GALNT17: variants seen among roughly 807,000 people sequenced by gnomAD.
GALNT17 encodes UDP-GalNAc:polypeptide N-acetylgalactosaminyltransferase-like 3.
In GALNT17, 29 loss-of-function variants were observed where a neutral mutation model predicts 63.7. The ratio of observed to expected loss-of-function variants is 0.46; its 90% confidence interval spans 0.34 to 0.62. The LOEUF is 0.62. GALNT17 is among the 20% of genes least tolerant of loss of function. GALNT17 has a pLI of 0.01. For synonymous variants in GALNT17, 305 were observed against 318.3 expected (o/e 0.96, Z 0.45); for missense variants, 603 against 799.6 (o/e 0.75, Z 2.97).
At chr7:71,247,947 A>G (rs1353913914) in intron 1 of GALNT17, among the ~76,000 whole-genome samples, 2 of 152,182 alleles carry the variant, frequency 1.3e-5, no homozygotes, top group Admixed American at 6.5e-5. Context: ...GGATTGTCAT[A>G]AAGTTTTCAT....
intron 5 of GALNT17, among the ~76,000 whole-genome samples, chr7:71,523,532 A>G (rs1383427657): frequency 6.6e-6 from 1 of 152,114 alleles, no homozygotes; most frequent in Non-Finnish European, 1.5e-5. Flanking sequence ...AGGCAGGCAG[A>G]TAACTTGAGG....
At chr7:71,274,173 A>G (rs1205460010) in intron 1 of GALNT17, among the ~76,000 whole-genome samples, 1 of 152,204 alleles carries the variant, frequency 6.6e-6, no homozygotes, top group Non-Finnish European at 1.5e-5. Context: ...AGTTAGCAGC[A>G]TTTGGCAGCT....
At chr7:71,166,101 A>C (rs1015999840) in intron 1 of GALNT17, among the ~76,000 whole-genome samples, 6 of 152,190 alleles carry the variant, frequency 3.9e-5, no homozygotes, top group African/African-American at 9.6e-5. Context: ...TTGTGACTTC[A>C]TCGTTCAAAT....
chr7:71,522,101 G>T (rs1788540018), intron 5 of GALNT17, among the ~76,000 whole-genome samples: 2 of 151,984 alleles, frequency 1.3e-5, no homozygotes, highest in South Asian at 4.2e-4. Context: ...TGCTCTTTGT[G>T]CAATACTGTG....
At chr7:71,152,833 A>G (rs1182059276) in intron 1 of GALNT17, among the ~76,000 whole-genome samples, 1 of 151,836 alleles carries the variant, frequency 6.6e-6, no homozygotes, top group Non-Finnish European at 1.5e-5. Context: ...GGGTCTCACC[A>G]TGTTGGTCAG....
chr7:71,295,786 G>T (rs1338144776), intron 1 of GALNT17, among the ~76,000 whole-genome samples: 2 of 151,916 alleles, frequency 1.3e-5, no homozygotes, highest in Non-Finnish European at 2.9e-5. Context: ...TTAGAGATGG[G>T]GTCTCATTAT....
chr7:71,640,717 T>G (rs1441409032), intron 6 of GALNT17, among the ~76,000 whole-genome samples: 1 of 152,130 alleles, frequency 6.6e-6, no homozygotes, highest in Non-Finnish European at 1.5e-5. Flanking sequence ...TCCTGTGCAT[T>G]TTGTTTAATT....
intron 1 of GALNT17, among the ~76,000 whole-genome samples, chr7:71,241,774 A>G (rs1363247037): frequency 1.3e-5 from 2 of 152,140 alleles, no homozygotes; most frequent in African/African-American, 4.8e-5. Context: ...CTGTAGTCCC[A>G]GCAGCTTGGG....
intron 6 of GALNT17, among the ~76,000 whole-genome samples, chr7:71,621,647 T>G (rs1790297452): frequency 6.6e-6 from 1 of 152,126 alleles, no homozygotes; most frequent in Non-Finnish European, 1.5e-5. Flanking sequence ...ACAACTGTGA[T>G]AAGATCATAA....
chr7:71,295,535 T>C (rs1791063063), intron 1 of GALNT17, among the ~76,000 whole-genome samples: 1 of 151,610 alleles, frequency 6.6e-6, no homozygotes, highest in Non-Finnish European at 1.5e-5. Flanking sequence ...CCTTCCTTCC[T>C]TTCCCTTCCC....
intron 2 of GALNT17, among the ~76,000 whole-genome samples, chr7:71,365,852 G>A (rs1300410818): frequency 1.3e-5 from 2 of 152,012 alleles, no homozygotes; most frequent in African/African-American, 4.8e-5. Context: ...TCATTCCATT[G>A]ATTGTGCACT....
chr7:71,321,897 T>C (rs1376169393), intron 1 of GALNT17, among the ~76,000 whole-genome samples: 3 of 89,738 alleles, frequency 3.3e-5, no homozygotes, highest in African/African-American at 9.1e-5. Context: ...CTTCCTTCCT[T>C]CCTTCCTTCC....
chr7:71,698,723 CAGAA>C (rs952010774), intron 9 of GALNT17, among the ~76,000 whole-genome samples: 4 of 152,086 alleles, frequency 2.6e-5, no homozygotes, highest in African/African-American at 2.4e-5. Context: ...CCTGGACAAA[CAGAA>C]AGCACAAAGA....
intron 6 of GALNT17, among the ~76,000 whole-genome samples, chr7:71,597,307 G>A (rs146368419): frequency 0.032 from 4,856 of 152,146 alleles, 236 homozygotes; most frequent in African/African-American, 0.11. Context: ...CCAAAGTGCC[G>A]GGATTACAGG....
chr7:71,691,744 A>G (rs951779970), intron 9 of GALNT17, among the ~76,000 whole-genome samples: 2 of 152,162 alleles, frequency 1.3e-5, no homozygotes, highest in African/African-American at 4.8e-5. Flanking sequence ...ACTCAGATTG[A>G]ACAATAGAGT....
chr7:71,533,658 G>A (rs1433174988), intron 5 of GALNT17, among the ~76,000 whole-genome samples: 1 of 152,162 alleles, frequency 6.6e-6, no homozygotes, highest in Admixed American at 6.5e-5. Flanking sequence ...GGTTCGCTTT[G>A]CATGCTTGTT....
rs149752816 is a variant in GALNT17 at position 71,275,866 on chromosome 7, G to A, written c.239-59684G>A. ...GGCCCAGTTCTTTGTCCTGACTCTT[G>A]GAGTCCTGGGAGATCGTGGGTCTTC... On this transcript the variant is annotated intron_variant, in intron 1 of 10. Coordinates refer to ENST00000333538, the MANE Select transcript of GALNT17 (RefSeq NM_022479.3). 3.3e-5 allele frequency among the ~76,000 whole-genome samples: 5 copies of A among 152,222 alleles called. No homozygotes were observed. In the East Asian group the frequency reaches 7.7e-4, roughly 24 times the overall value.
intron 6 of GALNT17, among the ~76,000 whole-genome samples, chr7:71,621,236 A>G (rs1030505707): frequency 7.3e-5 from 11 of 151,694 alleles, no homozygotes; most frequent in Non-Finnish European, 1.6e-4. Flanking sequence ...CTTGCCTTAC[A>G]TCATGCTCTG....
chr7:71,243,355 C>T (rs558490645), intron 1 of GALNT17, among the ~76,000 whole-genome samples: 13 of 152,234 alleles, frequency 8.5e-5, no homozygotes, highest in Middle Eastern at 3.4e-3. Flanking sequence ...ATTACCCAGT[C>T]TCAGATATGT....
Sources: gnomAD v4.1 joint callset for allele counts (sites outside exome capture counted in the v4.1 genomes callset) on GRCh38, gnomAD v4.1.1 for gene constraint, MANE v1.5 for transcripts, NCBI Gene and HGNC (gene_info 2026-07-23, HGNC 2026-07-21) for gene names.